The following PDE10A variants were observed in gnomAD, a reference collection of about 807,000 sequenced individuals.
PDE10A encodes the protein phosphodiesterase 10A.
In PDE10A, 39 loss-of-function variants were observed where a neutral mutation model predicts 97.7. That is an observed-to-expected ratio of 0.40 (90% CI 0.31 to 0.52). PDE10A has a LOEUF of 0.52. Ranked by LOEUF, PDE10A falls within the 20% of genes least tolerant of loss-of-function variation. PDE10A has a pLI of 0.56. For synonymous variants in PDE10A, 371 were observed against 376.8 expected, an observed-to-expected ratio of 0.98 and a Z score of 0.18; for missense variants, 731 against 1,047.8, an observed-to-expected ratio of 0.70 and a Z score of 4.17.
At chr6:165,810,260 C>T (rs1779244065) in intron 1 of PDE10A, among the ~76,000 whole-genome samples, 1 of 152,188 alleles carries the variant, frequency 6.6e-6, no homozygotes, top group South Asian at 2.1e-4. Context: ...CCTGACTGGG[C>T]TGCTTTCATC....
At chr6:165,791,044 AAGCAATCC>A (rs757009505) in intron 1 of PDE10A, among the ~76,000 whole-genome samples, 1 of 152,004 alleles carries the variant, frequency 6.6e-6, no homozygotes, top group African/African-American at 2.4e-5. Flanking sequence ...TCCTGGGCTC[AAGCAATCC>A]TCCCGCCTCA....
intron 1 of PDE10A, among the ~76,000 whole-genome samples, chr6:165,806,960 G>T (rs1223321984): frequency 6.6e-6 from 1 of 152,222 alleles, no homozygotes; most frequent in East Asian, 1.9e-4. Context: ...TCTGTGTGGT[G>T]CCATAGGCTG....
chr6:165,574,028 A>G (rs928750416), intron 1 of PDE10A, among the ~76,000 whole-genome samples: 10 of 152,226 alleles, frequency 6.6e-5, no homozygotes, highest in African/African-American at 2.2e-4. Context: ...TAATTGTGAG[A>G]GTGTAGGTTA....
chr6:165,566,462 T>C (rs1014021302), intron 1 of PDE10A, among the ~76,000 whole-genome samples: 2 of 152,246 alleles, frequency 1.3e-5, no homozygotes, highest in Admixed American at 6.5e-5. Flanking sequence ...TCTCATTCAC[T>C]GTTTGTGCGA....
intron 17 of PDE10A, among the ~76,000 whole-genome samples, chr6:165,381,713 C>T (rs1002237115): frequency 6.7e-6 from 1 of 149,234 alleles, no homozygotes; most frequent in Non-Finnish European, 1.5e-5. Flanking sequence ...CATCTCCCGA[C>T]CTCGTGATCT....
At chr6:165,461,203 C>A (rs1251172910) in intron 3 of PDE10A, among the ~76,000 whole-genome samples, 1 of 152,184 alleles carries the variant, frequency 6.6e-6, no homozygotes. Flanking sequence ...CCTATGGGAG[C>A]ATTACAGCCA....
intron 1 of PDE10A, among the ~76,000 whole-genome samples, chr6:165,598,356 A>AT (rs1461273037): frequency 6.6e-6 from 1 of 152,240 alleles, no homozygotes; most frequent in Non-Finnish European, 1.5e-5. Context: ...CATGCAACAC[A>AT]TAAGCAATTT....
At chr6:165,576,386 T>C in intron 1 of PDE10A, 1 of 780,830 alleles carries the variant, frequency 1.3e-6, no homozygotes, top group East Asian at 2.4e-5. Context: ...TAAATTTCTT[T>C]TGCTGGCTTC....
At chr6:165,581,339 T>C (rs1027373117) in intron 1 of PDE10A, among the ~76,000 whole-genome samples, 2 of 152,136 alleles carry the variant, frequency 1.3e-5, no homozygotes, top group Middle Eastern at 3.4e-3. Context: ...CCTTGGGAGG[T>C]AATTAGGTCA....
intron 1 of PDE10A, among the ~76,000 whole-genome samples, chr6:165,834,069 G>T (rs767570400): frequency 6.6e-6 from 1 of 152,236 alleles, no homozygotes; most frequent in Non-Finnish European, 1.5e-5. Context: ...TCCCACTTGC[G>T]AGGGGCTCAC....
rs1786412392 is a variant in PDE10A at position 165,593,592 on chromosome 6, T to TC, written c.866-50025dup. Among the ~76,000 whole-genome samples, 3 of 152,204 alleles carry TC rather than the reference T, an allele frequency of 2.0e-5. No homozygotes were observed. The South Asian group carries it at 6.2e-4, about 32-fold the overall frequency. On this transcript the variant is annotated intron_variant, in intron 1 of 21. Transcript: ENST00000539869. ...AATGAAAATTGCATATACTGACCAT[T>TC]CCATCAGCAAAATCTATACCTAATA...
In PDE10A at chr6:165,943,175, AAAAGAAAGAAAGAAAGAAAGAAAG is replaced by A. The variant is rs1210872117; in HGVS notation, c.-615+44330_-615+44353del. Among the ~76,000 whole-genome samples the A allele has an allele frequency of 1.1e-3, 75 of 68,472 alleles. 2 individuals carry two copies. Among genetic ancestry groups the A allele is most frequent in the South Asian group, 2.5e-3 (4 of 1,592 alleles). The allele number at this position is 68,472 out of a possible 152,430, so 44.9% of individuals were successfully genotyped here. The stretch of plus-strand genomic sequence containing the variant: ...AGAGAGAGAGAGAAGAAAGAAAGAA[AAAAGAAAGAAAGAAAGAAAGAAAG>A]AAAGAAAGAAAGAAAGAAAGAAAGA... On this transcript the variant is annotated intron_variant, in intron 1 of 19. Transcript: ENST00000366882.
In PDE10A at chr6:165,388,849, T is replaced by C. The variant is rs1785482358; in HGVS notation, c.2455-396A>G. Among the ~76,000 whole-genome samples, 1 of 152,210 alleles carries C rather than the reference T, an allele frequency of 6.6e-6. No individual in the cohort carries two copies. The highest frequency in any genetic ancestry group is 2.1e-4 in the South Asian group (1 of 4,832). On this transcript the variant is annotated intron_variant, in intron 16 of 21. Transcript: ENST00000539869. This position sits in a 1 kb window ranked among gnomAD's most constrained non-coding sequence, Gnocchi z 4.0. The stretch of plus-strand genomic sequence containing the variant: ...TCTATTCAATGTTAAATTCTAACAA[T>C]GCTATTGCTATTATAAACAATAAAT...
chr6:165,602,621 A>T (rs940631808), intron 1 of PDE10A, among the ~76,000 whole-genome samples: 29 of 152,194 alleles, frequency 1.9e-4, no homozygotes, highest in Non-Finnish European at 4.4e-5. Context: ...ATGAGTTCAC[A>T]TTATCACATT....
intron 1 of PDE10A, among the ~76,000 whole-genome samples, chr6:165,970,616 T>G (rs748932487): frequency 3.9e-5 from 6 of 152,114 alleles, no homozygotes; most frequent in Non-Finnish European, 8.8e-5. Flanking sequence ...AAGGTAAACA[T>G]AGCTAAAAAT....
intron 2 of PDE10A, among the ~76,000 whole-genome samples, chr6:165,540,765 G>T (rs1450319081): frequency 6.6e-6 from 1 of 152,168 alleles, no homozygotes; most frequent in Admixed American, 6.5e-5. Flanking sequence ...AAGTAGCTGG[G>T]ATTACAGGCA....
intron 1 of PDE10A, among the ~76,000 whole-genome samples, chr6:165,790,859 A>C (rs1265289803): frequency 1.3e-5 from 2 of 152,142 alleles, no homozygotes; most frequent in African/African-American, 4.8e-5. Flanking sequence ...GATTGACGAG[A>C]GTACTTAATG....
At chr6:165,664,545 G>A (rs998136387), upstream of PDE10A, among the ~76,000 whole-genome samples, 1 of 152,160 alleles carries the variant, frequency 6.6e-6, no homozygotes, top group Non-Finnish European at 1.5e-5. Context: ...TACATTTGTG[G>A]AAGAAGAAAA....
chr6:165,548,229 G>T (rs1783830374), intron 1 of PDE10A, among the ~76,000 whole-genome samples: 1 of 141,344 alleles, frequency 7.1e-6, no homozygotes, highest in South Asian at 2.4e-4. Context: ...CAAATAAAGA[G>T]AAATTATTAT....
Sources: gnomAD v4.1 joint callset for allele counts (sites outside exome capture counted in the v4.1 genomes callset) on GRCh38, gnomAD v4.1.1 for gene constraint, Gnocchi (gnomAD v3.1) non-coding constraint, MANE v1.5 for transcripts, NCBI Gene and HGNC (gene_info 2026-07-23, HGNC 2026-07-21) for gene names.